Variants in IFT43 observed in about 807,000 individuals in gnomAD.
IFT43 encodes the protein intraflagellar transport protein 43 homolog.
Under a neutral mutation model 32.3 loss-of-function variants are expected in IFT43, and 33 were observed. That is an observed-to-expected ratio of 1.02 (90% CI 0.77 to 1.37). The LOEUF (loss-of-function observed/expected upper bound fraction) is 1.37. Ranked by LOEUF, IFT43 falls within the 40% of genes most tolerant of loss-of-function variation. The pLI, the probability that IFT43 is intolerant of heterozygous loss-of-function variation, is 0.00. For missense variants in IFT43, 274 were observed against 265.9 expected, an observed-to-expected ratio of 1.03 and a Z score of -0.21; for synonymous variants, 93 against 98.2, an observed-to-expected ratio of 0.95 and a Z score of 0.31.
At chr14:76,006,594 T>G (rs2035984538) in intron 2 of IFT43, among the ~76,000 whole-genome samples, 2 of 152,212 alleles carry the variant, frequency 1.3e-5, no homozygotes. Flanking sequence ...TTTATTCCAT[T>G]TAAAGGACCA....
At chr14:76,010,793 T>C (rs2036069013) in intron 2 of IFT43, among the ~76,000 whole-genome samples, 1 of 152,170 alleles carries the variant, frequency 6.6e-6, no homozygotes, top group Non-Finnish European at 1.5e-5. Flanking sequence ...CTTCAAAGTA[T>C]TTTTATAGCG....
chr14:76,055,300 C>T (rs935014005), intron 3 of IFT43, among the ~76,000 whole-genome samples: 2 of 151,104 alleles, frequency 1.3e-5, no homozygotes, highest in African/African-American at 2.4e-5. Flanking sequence ...GAACCATGAT[C>T]TCAACACTGC....
At chr14:76,060,881 T>C (rs1594854907) in intron 5 of IFT43, among the ~76,000 whole-genome samples, 1 of 141,882 alleles carries the variant, frequency 7.0e-6, no homozygotes, top group Non-Finnish European at 1.5e-5. Flanking sequence ...CTTTTCCTGC[T>C]CTCCCCTCCC....
chr14:76,009,022 A>T (rs1033175025), intron 2 of IFT43, among the ~76,000 whole-genome samples: 1 of 152,182 alleles, frequency 6.6e-6, no homozygotes, highest in Non-Finnish European at 1.5e-5. Flanking sequence ...TAAATGAAAG[A>T]GATGGTCCTT....
chr14:76,026,332 G>A (rs1183910357), intron 3 of IFT43, among the ~76,000 whole-genome samples: 1 of 152,158 alleles, frequency 6.6e-6, no homozygotes, highest in Non-Finnish European at 1.5e-5. Context: ...GCCAAGGTGG[G>A]TGAATCACCT....
chr14:76,046,086 G>C (rs2036802705), intron 3 of IFT43, among the ~76,000 whole-genome samples: 1 of 152,150 alleles, frequency 6.6e-6, no homozygotes, highest in Non-Finnish European at 1.5e-5. Flanking sequence ...CCCAGAGGTG[G>C]AGAATCCTTT....
intron 3 of IFT43, among the ~76,000 whole-genome samples, chr14:76,049,037 A>C (rs1443852768): frequency 6.6e-6 from 1 of 152,236 alleles, no homozygotes; most frequent in African/African-American, 2.4e-5. Context: ...AAATCTTTAC[A>C]GGTTTCCCCA....
intron 5 of IFT43, among the ~76,000 whole-genome samples, chr14:76,073,895 C>G (rs2037367345): frequency 6.6e-6 from 1 of 152,080 alleles, no homozygotes; most frequent in South Asian, 2.1e-4. Context: ...AGAGAGCGAG[C>G]AGCAGTAAGA....
chr14:76,018,399 G>A (rs1325553120), intron 2 of IFT43, among the ~76,000 whole-genome samples: 1 of 151,778 alleles, frequency 6.6e-6, no homozygotes, highest in Non-Finnish European at 1.5e-5. Context: ...TTATTCCATT[G>A]TCATCTGAAA....
chr14:76,007,932 C>G lies in IFT43; in HGVS notation c.148-14395C>G, dbSNP rs117383690. Among the ~76,000 whole-genome samples the G allele has an allele frequency of 2.0e-5, 3 of 152,286 alleles. No homozygotes were observed. In the East Asian group the frequency reaches 5.8e-4, roughly 29 times the overall value. On this transcript the variant is annotated intron_variant, in intron 2 of 8. Transcript: ENST00000314067. Reference sequence around the variant, plus strand: ...CAGGGTGAATTTGAAGAATGGTTTTCAGGGCTGAAATCTGTTCTCTTTGGA... The same window carrying G: ...CAGGGTGAATTTGAAGAATGGTTTTGAGGGCTGAAATCTGTTCTCTTTGGA...
chr14:76,018,384 T>C (rs1443206822), intron 2 of IFT43, among the ~76,000 whole-genome samples: 1 of 152,188 alleles, frequency 6.6e-6, no homozygotes. Flanking sequence ...TATTGATTTC[T>C]AGTTTTATTC....
At chr14:75,999,241 A>AATATTCATTTATATATAAATTCATTT (rs1408982797) in intron 2 of IFT43, among the ~76,000 whole-genome samples, 133 of 12,852 alleles carry the variant, frequency 0.01, no homozygotes, top group African/African-American at 0.034. Context: ...ATATATATAT[A>AATATTCATTTATATATAAATTCATTT]TATATATATA....
intron 2 of IFT43, among the ~76,000 whole-genome samples, chr14:75,997,423 T>G (rs546877784): frequency 5.9e-5 from 9 of 152,356 alleles, no homozygotes; most frequent in African/African-American, 2.2e-4. Flanking sequence ...CTTTCAGTAT[T>G]TTTAGCCTTG....
At chr14:76,027,967 G>A (rs2036435585) in intron 3 of IFT43, among the ~76,000 whole-genome samples, 1 of 151,924 alleles carries the variant, frequency 6.6e-6, no homozygotes, top group African/African-American at 2.4e-5. Flanking sequence ...CCAAGACATT[G>A]ACTATTTTGA....
At position 76,015,297 on chromosome 14, in the gene IFT43, C is replaced by G. The variant is rs144882076; in HGVS notation, c.148-7030C>G. Among the ~76,000 whole-genome samples, 114 of 152,264 alleles carry G rather than the reference C, an allele frequency of 7.5e-4. 1 individual carries two copies. Among genetic ancestry groups the G allele is most frequent in the African/African-American group, 2.5e-3 (103 of 41,560 alleles). Reference sequence around the variant, plus strand: ...ACTTTCCCTCAGGAGATAGGCATTTCCCTCTAAATGCCCAAGCCTACTTTG... The same window carrying G: ...ACTTTCCCTCAGGAGATAGGCATTTGCCTCTAAATGCCCAAGCCTACTTTG... On this transcript the variant is annotated intron_variant, in intron 2 of 8. Coordinates refer to ENST00000314067, the MANE Select transcript of IFT43 (RefSeq NM_001102564.3).
intron 3 of IFT43, among the ~76,000 whole-genome samples, chr14:76,049,509 A>G (rs2036872634): frequency 6.6e-6 from 1 of 151,068 alleles, no homozygotes. Flanking sequence ...ATAGCTTTCC[A>G]TGAAGATGTA....
chr14:76,063,896 T>C (rs1446417257), intron 5 of IFT43, among the ~76,000 whole-genome samples: 4 of 152,200 alleles, frequency 2.6e-5, no homozygotes, highest in African/African-American at 9.6e-5. Flanking sequence ...AAGCTAGAGC[T>C]GGGGAGTCTG....
chr14:76,078,725 A>G (rs906262831), intron 5 of IFT43, among the ~76,000 whole-genome samples: 3 of 152,190 alleles, frequency 2.0e-5, no homozygotes, highest in African/African-American at 4.8e-5. Context: ...CGGCCGTGTG[A>G]CGGTGGCACT....
intron 3 of IFT43, among the ~76,000 whole-genome samples, chr14:76,051,984 G>A (rs972777929): frequency 1.5e-4 from 23 of 152,216 alleles, no homozygotes; most frequent in African/African-American, 5.1e-4. Flanking sequence ...AGTGATCCCT[G>A]AGGGATGGAC....
Sources: allele counts gnomAD v4.1 joint callset (sites outside exome capture counted in the v4.1 genomes callset), GRCh38; gene constraint gnomAD v4.1.1; transcripts MANE v1.5; gene names NCBI Gene and HGNC (gene_info 2026-07-23, HGNC 2026-07-21).